Variants in TMEM145 observed in about 807,000 individuals in gnomAD.
The protein encoded by TMEM145 is transmembrane protein 145.
A neutral mutation model predicts 68.5 loss-of-function variants in TMEM145; 46 were observed. The observed-to-expected ratio is 0.67, with a 90% CI of 0.53 to 0.86. The LOEUF is 0.86. Ranked by LOEUF, TMEM145 falls within the 40% of genes least tolerant of loss-of-function variation. The probability of loss-of-function intolerance (pLI) is 0.00; values close to 1 mark genes in which losing one functional copy is unlikely to be tolerated. For missense variants in TMEM145, 570 were observed against 645.8 expected (o/e 0.88, Z 1.27); for synonymous variants, 255 against 280.2 (o/e 0.91, Z 0.90).
intron 14 of TMEM145, chr19:42,324,187 A>C: frequency 2.1e-6 from 2 of 934,554 alleles, no homozygotes; most frequent in Non-Finnish European, 2.6e-6. Flanking sequence ...CCTGGGGTGG[A>C]AGGGTTCTCC....
At chr19:42,317,927 C>G (rs757066675) in intron 12 of TMEM145, 46 bp downstream of exon 12, 2 of 1,607,928 alleles carry the variant, frequency 1.2e-6, no homozygotes, top group Non-Finnish European at 1.7e-6. Context: ...CCTCTCGGGG[C>G]TCCCCAGAAG....
intron 14 of TMEM145, 129 bp from the exon 15 acceptor site, chr19:42,324,608 G>T: frequency 7.4e-7 from 1 of 1,344,754 alleles, no homozygotes. Flanking sequence ...CGGCCCGAGA[G>T]CTCGCCCATC....
rs2038959334 is a variant in TMEM145 at position 42,325,051 on chromosome 19, GT to G, written c.*239del. On this transcript the variant is annotated 3_prime_UTR_variant, in exon 15 of 15. Coordinates refer to ENST00000301204, the MANE Select transcript of TMEM145 (RefSeq NM_173633.3). ...TTCTTGCCAAAATAAAAAAGGATTC[GT>G]TTTTATCTATAACATGGCTTCTTTT... is the stretch of plus-strand genomic sequence containing the variant. 1.8e-6 allele frequency: 1 copy of G among 564,926 alleles called. No individual in the cohort carries two copies. Among genetic ancestry groups the G allele is most frequent in the Non-Finnish European group, 2.7e-6 (1 of 376,242 alleles). 35.0% of individuals were successfully genotyped at this position (564,926 alleles called of 1,614,324 possible).
intron 14 of TMEM145, chr19:42,324,144 C>G: frequency 3.0e-6 from 2 of 660,698 alleles, no homozygotes; most frequent in African/African-American, 3.9e-5. Flanking sequence ...CCCCGCCACC[C>G]AGTCCTTCCC....
chr19:42,314,407 A>G, intron 2 of TMEM145, 44 bp from the exon 3 acceptor site: 1 of 1,613,848 alleles, frequency 6.2e-7, no homozygotes, highest in Non-Finnish European at 8.5e-7. Context: ...CTCCAAAGGC[A>G]CAGGCTGCCC....
chr19:42,324,417 G>A, intron 14 of TMEM145: 4 of 984,358 alleles, frequency 4.1e-6, no homozygotes, highest in Non-Finnish European at 4.8e-6. Context: ...GGCTGGGACG[G>A]CCCGACGCCG....
intron 12 of TMEM145, among the ~76,000 whole-genome samples, chr19:42,318,626 G>A (rs2038883110): frequency 6.6e-6 from 1 of 150,836 alleles, no homozygotes. Flanking sequence ...GGCAGAGGTT[G>A]CAGTGAGCCG....
rs2038901409 is a variant in TMEM145, at chr19:42,320,526, G to A, written c.1194+89G>A. 3.2e-6 allele frequency: 5 copies of A among 1,568,586 alleles called. No individual in the cohort carries two copies. The African/African-American group carries it at 5.4e-5, about 17-fold the overall frequency. On this transcript the variant is annotated intron_variant, in intron 13 of 14. Transcript: ENST00000301204. ...CTACACCTGATCTGCTGGACCTCCT[G>A]TTCTGAGGTCTTGATCCATTTTCCT...
intron 11 of TMEM145, 96 bp from the exon 12 acceptor site, chr19:42,317,613 G>T: frequency 1.7e-6 from 2 of 1,208,622 alleles, no homozygotes; most frequent in Non-Finnish European, 2.4e-6. Context: ...TGTTCTGACC[G>T]AGTACCTCTG....
At chr19:42,324,702 C>A in intron 14 of TMEM145, 35 bp from the exon 15 acceptor site, 1 of 1,023,486 alleles carries the variant, frequency 9.8e-7, no homozygotes, top group Non-Finnish European at 1.3e-6. Flanking sequence ...GCCAAACGGT[C>A]CCGCGGGAGC....
intron 11 of TMEM145, 102 bp from the exon 12 acceptor site, chr19:42,317,607 C>A: frequency 8.8e-7 from 1 of 1,132,036 alleles, no homozygotes; most frequent in South Asian, 1.5e-5. Context: ...TGCTTGTGTT[C>A]TGACCGAGTA....
intron 13 of TMEM145, 132 bp from the exon 14 acceptor site, chr19:42,323,451 T>C (rs973190294): frequency 7.1e-6 from 6 of 842,350 alleles, no homozygotes; most frequent in Non-Finnish European, 1.1e-5. Flanking sequence ...AGGGGACGCC[T>C]AATCCAGTGT....
Position 42,323,709 on chromosome 19 carries a change from G to A in TMEM145, c.1321G>A (p.Val441Ile), listed in dbSNP as rs767211706. 3 of 1,614,186 alleles carry A rather than the reference G, an allele frequency of 1.9e-6. No homozygotes were observed. The highest frequency in any genetic ancestry group is 2.5e-6 in the Non-Finnish European group (3 of 1,180,018). Residue 441 changes from valine to isoleucine, a missense_variant, in exon 14 of 15, where the codon GTC (valine) becomes ATC (isoleucine). Val to Ile is a conservative substitution (Grantham distance 29). Coordinates refer to ENST00000301204, the MANE Select transcript of TMEM145 (RefSeq NM_173633.3). ...QSADKAFPQH[V>I]YGNVTFISDS... The stretch of plus-strand genomic sequence containing the variant: ...CGCTGACAAGGCCTTCCCGCAGCAC[G>A]TCTATGGGAACGTGACGTTTATCAG...
chr19:42,313,446 C>G lies in TMEM145; in HGVS notation c.70C>G (p.Pro24Ala), dbSNP rs931423907. The G allele has an allele frequency of 2.2e-6, 3 of 1,367,946 alleles. No homozygotes were observed. Among genetic ancestry groups the G allele is most frequent in the Admixed American group, 3.5e-5 (1 of 28,654 alleles). 84.7% of individuals were successfully genotyped at this position (1,367,946 alleles called of 1,614,324 possible). Residue 24 changes from proline to alanine, a missense_variant, in exon 1 of 15, where the codon CCC becomes GCC. Transcript: ENST00000301204. The surrounding 1 kb of genome is among the most constrained non-coding windows in gnomAD (Gnocchi z 5.1). ...GCTGCTGCTCCTGCTGCTGTCACTG[C>G]CCCCCCGCGCCCGGGCCAAGTACGT... ...PPLLLLLLSL[P>A]PRARAKYVRG...
In TMEM145 at chr19:42,324,742, G is replaced by T; in HGVS notation, c.1407G>T (p.Leu469=). The T allele has an allele frequency of 6.5e-7, 1 of 1,536,950 alleles. No homozygotes were observed. ...CTCCCCGTCCCCTCCCTCAGCCCCT[G>T]CCCCGAGCGGCGCCGGATTCTGGGC... ...FSIPPPATSP[L]PRAAPDSGLP... is the part of the protein sequence containing the mutation. Residue 469 remains leucine (L), a synonymous_variant, in exon 15 of 15, where the codon CTG becomes CTT. Coordinates refer to ENST00000301204, the MANE Select transcript of TMEM145 (RefSeq NM_173633.3).
Position 42,315,007 on chromosome 19 carries a change from G to T in TMEM145, c.435G>T (p.Gln145His), listed in dbSNP as rs2147412961. 1 of 1,614,112 alleles carries T rather than the reference G, an allele frequency of 6.2e-7. No individual in the cohort carries two copies. Among genetic ancestry groups the T allele is most frequent in the East Asian group, 2.2e-5 (1 of 44,880 alleles). ...ACCCCCCACAGGGTGATGGATTGCA[G>T]CTGGAGTATGAGATGGTCCTCACCA... ...GRSFRSGDGL[Q>H]LEYEMVLTNG... The change falls in exon 6 of 15, where the codon CAG becomes CAT. Residue 145 changes from glutamine to histidine, a missense_variant. Physicochemically the swap from Gln to His is conservative, Grantham distance 24 (BLOSUM62 0). Coordinates refer to ENST00000301204, the MANE Select transcript of TMEM145 (RefSeq NM_173633.3).
At chr19:42,315,592 G>C (rs540112866) in intron 8 of TMEM145, 152 bp downstream of exon 8, 2 of 785,584 alleles carry the variant, frequency 2.5e-6, no homozygotes, top group African/African-American at 1.8e-5. Flanking sequence ...AGGGAGAAGG[G>C]CCTGGGGGCT....
rs1379460007 is a variant in TMEM145 at position 42,318,697 on chromosome 19, A to AC, written c.1073+816_1073+817insC. Among the ~76,000 whole-genome samples, 12 of 151,934 alleles carry AC rather than the reference A, an allele frequency of 7.9e-5. No individual in the cohort carries two copies. In the South Asian group the frequency reaches 2.5e-3, roughly 32 times the overall value. The stretch of plus-strand genomic sequence containing the variant: ...GCAAGACTTCATCTTCAAAAAAAAA[A>AC]AAAAACAGGATCTCCTCAAAGGGAT... On this transcript the variant is annotated intron_variant, in intron 12 of 14. Transcript: ENST00000301204.
In TMEM145 at chr19:42,313,531, GC is replaced by G. The variant is rs1200152947; in HGVS notation, c.120+40del. Reference sequence around the variant, plus strand: ...CCGAGCCCTCCTCTGCGGCCCGCCGGCCCCCGGGGGACGCAAGGGAGGCGAG... The same window carrying G: ...CCGAGCCCTCCTCTGCGGCCCGCCGGCCCCGGGGGACGCAAGGGAGGCGAG... On this transcript the variant is annotated intron_variant, in intron 1 of 14. Transcript: ENST00000301204. This position sits in a 1 kb window ranked among gnomAD's most constrained non-coding sequence, Gnocchi z 5.1. 2.4e-6 allele frequency: 3 copies of G among 1,253,300 alleles called. No individual in the cohort carries two copies. Among genetic ancestry groups the G allele is most frequent in the South Asian group, 3.4e-5 (1 of 29,792 alleles). 77.6% of individuals were successfully genotyped at this position (1,253,300 alleles called of 1,614,324 possible).
Sources: allele counts gnomAD v4.1 joint callset (sites outside exome capture counted in the v4.1 genomes callset), GRCh38; gene constraint gnomAD v4.1.1; non-coding constraint Gnocchi (gnomAD v3.1); transcripts MANE v1.5; gene names NCBI Gene and HGNC (gene_info 2026-07-23, HGNC 2026-07-21).